The following AK8 variants were observed in gnomAD, a reference collection of about 807,000 sequenced individuals.
AK8 encodes the protein adenylate kinase 8.
In AK8, 44 loss-of-function variants were observed where a neutral mutation model predicts 54.6. That is an observed-to-expected ratio of 0.81 (90% confidence interval 0.63 to 1.04). The LOEUF is 1.04. Among genes scored for constraint, AK8 ranks in the 50% least tolerant of loss-of-function variants. The pLI, the probability that AK8 is intolerant of heterozygous loss-of-function variation, is 0.00. For synonymous variants in AK8, 239 were observed against 245.6 expected (o/e 0.97, Z 0.25); for missense variants, 555 against 613.6 (o/e 0.90, Z 1.01).
At chr9:132,777,740 C>T (rs1839284404) in intron 11 of AK8, among the ~76,000 whole-genome samples, 1 of 152,176 alleles carries the variant, frequency 6.6e-6, no homozygotes, top group Admixed American at 6.5e-5. Context: ...CTGAGGGAAA[C>T]AGTTGTGAAC....
At chr9:132,773,130 G>C (rs1839061045) in intron 11 of AK8, among the ~76,000 whole-genome samples, 1 of 152,218 alleles carries the variant, frequency 6.6e-6, no homozygotes, top group African/African-American at 2.4e-5. Flanking sequence ...TCACCTGCGA[G>C]TCTCTCCCTG....
In AK8 at chr9:132,743,587, C is replaced by G. The variant is rs144424328; in HGVS notation, c.1122-16053G>C. On this transcript the variant is annotated intron_variant, in intron 11 of 12. Transcript: ENST00000298545. The stretch of plus-strand genomic sequence containing the variant: ...ATAAACGTGCTGCAGAGAAACCTGT[C>G]TTTTAACCTTTTCTGCAGCTGGAGC... 1.3e-3 allele frequency among the ~76,000 whole-genome samples: 204 copies of G among 152,336 alleles called. 3 individuals are homozygous for G. The highest frequency in any genetic ancestry group is 4.7e-3 in the African/African-American group (196 of 41,576).
In AK8 at chr9:132,826,791, G is replaced by C; in HGVS notation, c.757+63C>G. 1.3e-6 allele frequency: 2 copies of C among 1,548,536 alleles called. No individual in the cohort carries two copies. The highest frequency in any genetic ancestry group is 8.9e-7 in the Non-Finnish European group (1 of 1,122,370). The stretch of plus-strand genomic sequence containing the variant: ...TACCAGAATAAGGGACAAAGTGGTA[G>C]AAGGCACAGCGAGCCCCGCCCTTGG... On this transcript the variant is annotated intron_variant, in intron 8 of 12. Transcript: ENST00000298545. The surrounding 1 kb of genome is among the most constrained non-coding windows in gnomAD (Gnocchi z 4.5).
In AK8 at chr9:132,860,732, T is replaced by C. The variant is rs1156351550; in HGVS notation, c.333+2933A>G. ...TGACTTAGTTCAGCTTCCTGGACTA[T>C]TGGAAGAGAGAGCAGCCTGGCTTCC... On this transcript the variant is annotated intron_variant, in intron 4 of 12. Transcript: ENST00000298545. The surrounding 1 kb of genome is among the most constrained non-coding windows in gnomAD (Gnocchi z 4.4). Among the ~76,000 whole-genome samples, 1 of 152,162 alleles carries C rather than the reference T, an allele frequency of 6.6e-6. No homozygotes were observed. Among genetic ancestry groups the C allele is most frequent in the African/African-American group, 2.4e-5 (1 of 41,432 alleles).
intron 10 of AK8, among the ~76,000 whole-genome samples, chr9:132,793,940 G>A (rs886871947): frequency 3.9e-5 from 6 of 152,136 alleles, no homozygotes; most frequent in African/African-American, 1.2e-4. Context: ...TCTGGCAAGC[G>A]GGCCTGAAGC....
chr9:132,863,846 A>G, intron 3 of AK8, 68 bp from the exon 4 acceptor site: 1 of 1,184,836 alleles, frequency 8.4e-7, no homozygotes, highest in Non-Finnish European at 1.2e-6. Flanking sequence ...CTCTATTAAA[A>G]TGCCCTGGTC....
chr9:132,876,743 G>A (rs1183482913), intron 1 of AK8, among the ~76,000 whole-genome samples: 1 of 152,128 alleles, frequency 6.6e-6, no homozygotes, highest in East Asian at 1.9e-4. Context: ...ATAAAAAATG[G>A]AAATGGTCAA....
At chr9:132,782,314 A>T (rs903811838) in intron 11 of AK8, among the ~76,000 whole-genome samples, 46 of 151,996 alleles carry the variant, frequency 3.0e-4, no homozygotes, top group African/African-American at 1.1e-3. Flanking sequence ...TGTTAATGAC[A>T]CCCTGCCCCT....
chr9:132,827,086 G>T, intron 7 of AK8, 32 bp from the exon 8 acceptor site: 2 of 1,607,090 alleles, frequency 1.2e-6, no homozygotes, highest in Non-Finnish European at 1.7e-6. Context: ...GTTAGAAATG[G>T]CCATGCAGGG....
chr9:132,827,762 C>A, intron 7 of AK8: 1 of 499,634 alleles, frequency 2.0e-6, no homozygotes, highest in Non-Finnish European at 3.6e-6. Context: ...CTGGCATGAC[C>A]CCCCACACTC....
At chr9:132,859,365 C>G (rs557304501) in intron 4 of AK8, among the ~76,000 whole-genome samples, 5 of 152,026 alleles carry the variant, frequency 3.3e-5, no homozygotes, top group Non-Finnish European at 5.9e-5. Flanking sequence ...GCCTCCCAGG[C>G]AGCAGGGACT....
At position 132,860,853 on chromosome 9, in the gene AK8, T is replaced by C. The variant is rs1843357406; in HGVS notation, c.333+2812A>G. Among the ~76,000 whole-genome samples the C allele has an allele frequency of 6.6e-6, 1 of 152,172 alleles. No individual in the cohort carries two copies. ...CTGCTGCAGATTGTGGGGCAGAGTC[T>C]TATGTTTACAGGAGGTCTTGCCATT... On this transcript the variant is annotated intron_variant, in intron 4 of 12. Coordinates refer to ENST00000298545, the MANE Select transcript of AK8 (RefSeq NM_152572.3). This position sits in a 1 kb window ranked among gnomAD's most constrained non-coding sequence, Gnocchi z 4.4.
At position 132,789,129 on chromosome 9, in the gene AK8, A is replaced by C. The variant is rs146512708; in HGVS notation, c.1121+3505T>G. Among the ~76,000 whole-genome samples, 738 of 152,046 alleles carry C rather than the reference A, an allele frequency of 4.9e-3. 4 individuals are homozygous for C. The highest frequency in any genetic ancestry group is 0.017 in the African/African-American group (704 of 41,438). ...GCTAACACGGTGAAACCCCGTCTCT[A>C]CTAAAAATACAAAAAATTAGCCAGG... On this transcript the variant is annotated intron_variant, in intron 11 of 12. Transcript: ENST00000298545.
rs563947363 is a variant in AK8 at position 132,728,385 on chromosome 9, A to G, written c.1122-851T>C. Among the ~76,000 whole-genome samples, 5 of 152,334 alleles carry G rather than the reference A, an allele frequency of 3.3e-5. No individual in the cohort carries two copies. In the South Asian group the frequency reaches 1.0e-3, roughly 32 times the overall value. On this transcript the variant is annotated intron_variant, in intron 11 of 12. Transcript: ENST00000298545. ...AACATCTTGTTCTCTAGAGTCACACAGACTTGGGCTAGACTCTCACCTCCA... is the reference window on the plus strand; with the variant it reads ...AACATCTTGTTCTCTAGAGTCACACGGACTTGGGCTAGACTCTCACCTCCA...
chr9:132,798,460 C>T (rs1840282951), intron 10 of AK8, among the ~76,000 whole-genome samples: 1 of 152,126 alleles, frequency 6.6e-6, no homozygotes, highest in East Asian at 1.9e-4. Context: ...GTCCATTTAC[C>T]CTTTCTCCTC....
chr9:132,827,687 A>G (rs1588179259), intron 7 of AK8, among the ~76,000 whole-genome samples: 2 of 152,342 alleles, frequency 1.3e-5, no homozygotes, highest in South Asian at 2.1e-4. Flanking sequence ...AAGGGGGCAC[A>G]TAATTTGTCC....
intron 4 of AK8, among the ~76,000 whole-genome samples, chr9:132,855,523 C>T (rs1843142340): frequency 6.6e-6 from 1 of 152,136 alleles, no homozygotes; most frequent in Admixed American, 6.5e-5. Context: ...ACAAAATTGG[C>T]CACGGTGGGA....
chr9:132,779,134 A>C (rs142480468), intron 11 of AK8, among the ~76,000 whole-genome samples: 1 of 152,186 alleles, frequency 6.6e-6, no homozygotes, highest in Non-Finnish European at 1.5e-5. Flanking sequence ...ACCAACCCAT[A>C]GTGAGTAGAT....
intron 3 of AK8, 48 bp from the exon 4 acceptor site, chr9:132,863,826 A>G: frequency 7.2e-7 from 1 of 1,383,472 alleles, no homozygotes; most frequent in Non-Finnish European, 1.0e-6. Flanking sequence ...AACAATAAAT[A>G]CACAAATGAC....
Sources: gnomAD v4.1 joint callset for allele counts (sites outside exome capture counted in the v4.1 genomes callset) on GRCh38, gnomAD v4.1.1 for gene constraint, Gnocchi (gnomAD v3.1) non-coding constraint, MANE v1.5 for transcripts, NCBI Gene and HGNC (gene_info 2026-07-23, HGNC 2026-07-21) for gene names.